The following ALKBH2 variants were observed in gnomAD, a reference collection of about 807,000 sequenced individuals.
ALKBH2 encodes the protein DNA oxidative demethylase ALKBH2.
A neutral mutation model predicts 19.7 loss-of-function variants in ALKBH2; 19 were observed. The ratio of observed to expected loss-of-function variants is 0.97; its 90% confidence interval spans 0.67 to 1.42. The LOEUF (loss-of-function observed/expected upper bound fraction) is 1.42. ALKBH2 is among the 40% of genes most tolerant of loss of function. ALKBH2 has a pLI of 0.00. For synonymous variants in ALKBH2, 135 were observed against 131.2 expected (o/e 1.03, Z -0.20); for missense variants, 310 against 328.5 (o/e 0.94, Z 0.43).
Position 109,090,136 on chromosome 12 carries a change from C to T in ALKBH2, c.352G>A (p.Ala118Thr), listed in dbSNP as rs371386059. 2.0e-4 allele frequency: 324 copies of T among 1,614,022 alleles called. 7 individuals carry two copies. The South Asian group carries it at 3.2e-3, about 16-fold the overall frequency. Residue 118 changes from alanine to threonine, a missense_variant, in exon 3 of 4, where the codon GCT (alanine) becomes ACT (threonine). Physicochemically the swap from Ala to Thr is moderately conservative, Grantham distance 58 (BLOSUM62 0). Coordinates refer to ENST00000429722, the MANE Select transcript of ALKBH2 (RefSeq NM_001145374.2). ...VPRKQATYGD[A>T]GLTYTFSGLT... ...CCTGAAAATGTGTAGGTCAGCCCAG[C>T]GTCGCCATACGTTGCCTGCTTCCTG...
intron 3 of ALKBH2, chr12:109,089,646 G>A (rs764534116): frequency 3.8e-5 from 11 of 288,688 alleles, no homozygotes; most frequent in Non-Finnish European, 6.1e-5. Context: ...AGGCATAGTC[G>A]TTCACGCCTG....
intron 2 of ALKBH2, 35 bp downstream of exon 2, chr12:109,092,472 T>TACAC: frequency 1.2e-6 from 1 of 821,284 alleles, no homozygotes; most frequent in Non-Finnish European, 1.6e-6. Context: ...AAGCCCTCAA[T>TACAC]GCACACACAC....
Position 109,090,070 on chromosome 12 carries a change from G to A in ALKBH2, c.418C>T (p.Arg140Cys), listed in dbSNP as rs145425095. 41 of 1,614,062 alleles carry A rather than the reference G, an allele frequency of 2.5e-5. No homozygotes were observed. In the Middle Eastern group the frequency reaches 8.2e-4, roughly 32 times the overall value. ...SPKPWIPVLE[R>C]IRDHVSGVTG... The stretch of plus-strand genomic sequence containing the variant: ...ACCCCAGAGACGTGATCCCGGATGC[G>A]CTCTAGAACTGGGATCCAGGGCTTT... Residue 140 changes from arginine (R) to cysteine (C), a missense_variant, in exon 3 of 4, where the codon CGC (arginine) becomes TGC (cysteine). Physicochemically the swap from Arg to Cys is radical, Grantham distance 180. Coordinates refer to ENST00000429722, the MANE Select transcript of ALKBH2 (RefSeq NM_001145374.2).
At chr12:109,090,429 T>C (rs1177464320) in intron 2 of ALKBH2, among the ~76,000 whole-genome samples, 1 of 152,186 alleles carries the variant, frequency 6.6e-6, no homozygotes, top group African/African-American at 2.4e-5. Flanking sequence ...AAATTTTCTT[T>C]TTGTTTTGTT....
In ALKBH2 at chr12:109,088,410, GTC is replaced by G. The variant is rs1442823739; in HGVS notation, c.580_581del (p.Asp194LeufsTer6). On this transcript the variant is annotated frameshift_variant, in exon 4 of 4. Coordinates refer to ENST00000429722, the MANE Select transcript of ALKBH2 (RefSeq NM_001145374.2). LOFTEE classifies it high-confidence loss of function. This position sits in a 1 kb window ranked among gnomAD's most constrained non-coding sequence, Gnocchi z 4.2. ...IASVSFGACR[D>X]FVFRHKDSRG... Reference sequence around the variant, plus strand: ...GGGAATCCTTATGCCGGAAGACAAAGTCTCTGCAGGCACCGAAGGAGACAGAG... The same window carrying G: ...GGGAATCCTTATGCCGGAAGACAAAGTCTGCAGGCACCGAAGGAGACAGAG... 6 of 1,613,704 alleles carry G rather than the reference GTC, an allele frequency of 3.7e-6. No homozygotes were observed. The highest frequency in any genetic ancestry group is 2.7e-5 in the African/African-American group (2 of 74,774).
In ALKBH2 at chr12:109,088,610, T is replaced by A; in HGVS notation, c.480-98A>T. ...TTTTCCTCACAGTGTGAAACAGCAC[T>A]CTGCATGGCTGTACCTGCCGTTGTT... On this transcript the variant is annotated intron_variant, in intron 3 of 3. Transcript: ENST00000429722. This position sits in a 1 kb window ranked among gnomAD's most constrained non-coding sequence, Gnocchi z 4.2. 1 of 1,154,014 alleles carries A rather than the reference T, an allele frequency of 8.7e-7. No individual in the cohort carries two copies. The highest frequency in any genetic ancestry group is 1.2e-6 in the Non-Finnish European group (1 of 825,180). 71.5% of individuals were successfully genotyped at this position (1,154,014 alleles called of 1,614,324 possible). A position where few individuals can be genotyped will look rare whatever the true frequency, so the allele number is the denominator to read the frequency against.
At position 109,092,606 on chromosome 12, in the gene ALKBH2, G is replaced by T. The variant is rs774776661; in HGVS notation, c.181C>A (p.Arg61=). 6.2e-6 allele frequency: 10 copies of T among 1,614,128 alleles called. 1 individual carries two copies. The South Asian group carries it at 8.8e-5, about 14-fold the overall frequency. ...TAACTGCAGTCCAGGCCCTCAGCCC[G>T]AATGTGCCGCCAGCTAGGGCCTGCT... is the stretch of plus-strand genomic sequence containing the variant. ...HSAGPSWRHI[R]AEGLDCSYTV... is the part of the protein sequence containing the mutation. The change falls in exon 2 of 4, where the codon CGG becomes AGG. Residue 61 remains arginine (R), a synonymous_variant. Transcript: ENST00000429722.
At chr12:109,091,588 A>G (rs1375488547) in intron 2 of ALKBH2, among the ~76,000 whole-genome samples, 2 of 151,972 alleles carry the variant, frequency 1.3e-5, no homozygotes, top group Non-Finnish European at 2.9e-5. Flanking sequence ...CCCAGGCTGG[A>G]GTGCAGTGGT....
chr12:109,092,494 C>CA lies in ALKBH2; in HGVS notation c.280+12_280+13insT, dbSNP rs1555264092. ...CAATGCACACACACACACACACACA[C>CA]CCCTCTGCTTACCTGTAAAATATTC... On this transcript the variant is annotated intron_variant, in intron 2 of 3. Coordinates refer to ENST00000429722, the MANE Select transcript of ALKBH2 (RefSeq NM_001145374.2). 17 of 1,551,718 alleles carry CA rather than the reference C, an allele frequency of 1.1e-5. No homozygotes were observed. The highest frequency in any genetic ancestry group is 9.3e-5 in the Admixed American group (5 of 53,880).
rs1460775410 is a variant in ALKBH2 at position 109,092,653 on chromosome 12, G to A, written c.134C>T (p.Ala45Val). 5.0e-6 allele frequency: 8 copies of A among 1,614,018 alleles called. No individual in the cohort carries two copies. Among genetic ancestry groups the A allele is most frequent in the African/African-American group, 1.3e-5 (1 of 74,924 alleles). The change falls in exon 2 of 4, where the codon GCC becomes GTC. Residue 45 changes from alanine to valine, a missense_variant. By Grantham distance (64) the Ala-to-Val change is moderately conservative (BLOSUM62 0). Coordinates refer to ENST00000429722, the MANE Select transcript of ALKBH2 (RefSeq NM_001145374.2). ...ESTRKRPRRE[A>V]PGNGGHSAGP... ...TGCTGAGTGGCCTCCATTCCCTGGG[G>A]CCTCTCTCCTGGGCCTCTTCCTTGT...
rs532286620 is a variant in ALKBH2, at chr12:109,088,838, C to T, written c.480-326G>A. 5.3e-5 allele frequency among the ~76,000 whole-genome samples: 8 copies of T among 152,170 alleles called. No individual in the cohort carries two copies. The highest frequency in any genetic ancestry group is 1.2e-4 in the Non-Finnish European group (8 of 68,032). ...CAAGTGATTCTCCCACTTCAGCCTC[C>T]CAAGTAGCTGGGACTATAGGTATGC... On this transcript the variant is annotated intron_variant, in intron 3 of 3. Transcript: ENST00000429722. The surrounding 1 kb of genome is among the most constrained non-coding windows in gnomAD (Gnocchi z 4.2).
chr12:109,088,406 C>T lies in ALKBH2; in HGVS notation c.586G>A (p.Val196Ile), dbSNP rs749733014. ...SVSFGACRDFVFRHKDSRGKS... is the reference protein window; with the variant it reads ...SVSFGACRDFIFRHKDSRGKS... ...CCACGGGAATCCTTATGCCGGAAGA[C>T]AAAGTCTCTGCAGGCACCGAAGGAG... is the stretch of plus-strand genomic sequence containing the variant. Residue 196 changes from valine to isoleucine, a missense_variant, in exon 4 of 4, where the codon GTC (valine) becomes ATC (isoleucine). By Grantham distance (29) the Val-to-Ile change is conservative. Transcript: ENST00000429722. This position sits in a 1 kb window ranked among gnomAD's most constrained non-coding sequence, Gnocchi z 4.2. 12 of 1,613,808 alleles carry T rather than the reference C, an allele frequency of 7.4e-6. No individual in the cohort carries two copies. Among genetic ancestry groups the T allele is most frequent in the Non-Finnish European group, 1.0e-5 (12 of 1,179,982 alleles).
In ALKBH2 at chr12:109,092,618, A is replaced by T. The variant is rs760351371; in HGVS notation, c.169T>A (p.Trp57Arg). 3 of 1,614,184 alleles carry T rather than the reference A, an allele frequency of 1.9e-6. No individual in the cohort carries two copies. The highest frequency in any genetic ancestry group is 1.1e-5 in the South Asian group (1 of 91,082). Residue 57 changes from tryptophan to arginine, a missense_variant, in exon 2 of 4, where the codon TGG becomes AGG. Trp to Arg is a moderately radical substitution (Grantham distance 101, BLOSUM62 -3). Transcript: ENST00000429722. ...AGGCCCTCAGCCCGAATGTGCCGCC[A>T]GCTAGGGCCTGCTGAGTGGCCTCCA... ...GNGGHSAGPSWRHIRAEGLDC... is the reference protein window; with the variant it reads ...GNGGHSAGPSRRHIRAEGLDC...
chr12:109,090,529 G>C (rs1409566849), intron 2 of ALKBH2, among the ~76,000 whole-genome samples: 1 of 152,148 alleles, frequency 6.6e-6, no homozygotes, highest in African/African-American at 2.4e-5. Flanking sequence ...CCGTGCTCCA[G>C]CAATCCTCCC....
In ALKBH2 at chr12:109,092,616, C is replaced by T; in HGVS notation, c.171G>A (p.Trp57Ter). Residue 57 changes from tryptophan (W) to a stop codon, truncating the protein, a stop_gained, in exon 2 of 4, where the codon TGG (tryptophan) becomes TGA (stop). Transcript: ENST00000429722. LOFTEE classifies it high-confidence loss of function. Reference protein sequence around the residue: ...GNGGHSAGPSWRHIRAEGLDC... With the variant: ...GNGGHSAGPS ...CCAGGCCCTCAGCCCGAATGTGCCG[C>T]CAGCTAGGGCCTGCTGAGTGGCCTC... The T allele has an allele frequency of 1.2e-6, 2 of 1,614,202 alleles. No homozygotes were observed. The highest frequency in any genetic ancestry group is 1.6e-4 in the Middle Eastern group (1 of 6,062).
In ALKBH2 at chr12:109,088,209, T is replaced by C. The variant is rs1263114927; in HGVS notation, c.783A>G (p.Lys261=). 5 of 1,590,684 alleles carry C rather than the reference T, an allele frequency of 3.1e-6. No homozygotes were observed. In the Admixed American group the frequency reaches 5.1e-5, roughly 16 times the overall value. Reference sequence around the variant, plus strand: ...AGAAAAACTGTTAAAAATGTTTTTATTTTTTAGTAAGCAAAATTTTACGAA... The same window carrying C: ...AGAAAAACTGTTAAAAATGTTTTTACTTTTTAGTAAGCAAAATTTTACGAA... The part of the protein sequence containing the change: ...LTFRKILLTK[K] Residue 261 remains lysine (K), a synonymous_variant, in exon 4 of 4, where the codon AAA becomes AAG. Transcript: ENST00000429722. The surrounding 1 kb of genome is among the most constrained non-coding windows in gnomAD (Gnocchi z 4.2).
At position 109,088,374 on chromosome 12, in the gene ALKBH2, G is replaced by T. The variant is rs2042000441; in HGVS notation, c.618C>A (p.Ser206Arg). ...TGACCACCGCCACCCTCCTGGAGGGGCTTTTCCCACGGGAATCCTTATGCC... is the reference window on the plus strand; with the variant it reads ...TGACCACCGCCACCCTCCTGGAGGGTCTTTTCCCACGGGAATCCTTATGCC... ...VFRHKDSRGKSPSRRVAVVRL... is the reference protein window; with the variant it reads ...VFRHKDSRGKRPSRRVAVVRL... Residue 206 changes from serine (S) to arginine (R), a missense_variant, in exon 4 of 4, where the codon AGC becomes AGA. Transcript: ENST00000429722. The surrounding 1 kb of genome is among the most constrained non-coding windows in gnomAD (Gnocchi z 4.2). The T allele has an allele frequency of 1.2e-6, 2 of 1,613,838 alleles. No homozygotes were observed. Among genetic ancestry groups the T allele is most frequent in the African/African-American group, 2.7e-5 (2 of 74,864 alleles).
At chr12:109,089,140 C>T (rs1388385080) in intron 3 of ALKBH2, among the ~76,000 whole-genome samples, 3 of 152,224 alleles carry the variant, frequency 2.0e-5, no homozygotes, top group African/African-American at 7.2e-5. Context: ...CTGCATAGCC[C>T]GGCCCCTGCC....
chr12:109,088,621 G>A lies in ALKBH2; in HGVS notation c.480-109C>T, dbSNP rs565675336. ...GTGTGAAACAGCACTCTGCATGGCT[G>A]TACCTGCCGTTGTTTCTGCGAGGGC... On this transcript the variant is annotated intron_variant, in intron 3 of 3. Transcript: ENST00000429722. The surrounding 1 kb of genome is among the most constrained non-coding windows in gnomAD (Gnocchi z 4.2). The A allele has an allele frequency of 9.6e-6, 10 of 1,038,834 alleles. No individual in the cohort carries two copies. The Admixed American group carries it at 1.1e-4, about 12-fold the overall frequency. 64.4% of individuals were successfully genotyped at this position (1,038,834 alleles called of 1,614,324 possible). A position where few individuals can be genotyped will look rare whatever the true frequency, so the allele number is the denominator to read the frequency against.
Sources: allele counts gnomAD v4.1 joint callset (sites outside exome capture counted in the v4.1 genomes callset), GRCh38; gene constraint gnomAD v4.1.1; non-coding constraint Gnocchi (gnomAD v3.1); transcripts MANE v1.5; gene names NCBI Gene and HGNC (gene_info 2026-07-23, HGNC 2026-07-21).